Variants in DNAH8 observed in about 807,000 individuals in gnomAD.
DNAH8 encodes the protein axonemal beta dynein heavy chain 8.
In DNAH8, 382 loss-of-function variants were observed where a neutral mutation model predicts 562.1. That is an observed-to-expected ratio of 0.68 (90% CI 0.63 to 0.74). The LOEUF (loss-of-function observed/expected upper bound fraction) is 0.74. Among genes scored for constraint, DNAH8 ranks in the 30% least tolerant of loss-of-function variants. DNAH8 has a pLI of 0.00. For missense variants in DNAH8, 5,203 were observed against 5,620.4 expected, an observed-to-expected ratio of 0.93 and a Z score of 2.37; for synonymous variants, 1,881 against 1,919.4, an observed-to-expected ratio of 0.98 and a Z score of 0.52.
At chr6:38,735,706 A>G (rs1764020645) in intron 5 of DNAH8, among the ~76,000 whole-genome samples, 1 of 152,224 alleles carries the variant, frequency 6.6e-6, no homozygotes, top group Non-Finnish European at 1.5e-5. Context: ...CTTTTATGAA[A>G]TAGTATAAGT....
chr6:38,813,450 A>T (rs1051516489), intron 24 of DNAH8, among the ~76,000 whole-genome samples: 2 of 152,020 alleles, frequency 1.3e-5, no homozygotes, highest in African/African-American at 2.4e-5. Flanking sequence ...AGTTTTCAGT[A>T]ATGACGGTAT....
chr6:38,749,395 G>A (rs950456757), intron 8 of DNAH8, among the ~76,000 whole-genome samples: 2 of 152,048 alleles, frequency 1.3e-5, no homozygotes, highest in Non-Finnish European at 2.9e-5. Context: ...GAAAGGGGAG[G>A]GAGAGCATCA....
chr6:38,818,537 C>CAAAAAAAAAAAAGAA (rs775835573), intron 26 of DNAH8, among the ~76,000 whole-genome samples: 1 of 75,850 alleles, frequency 1.3e-5, no homozygotes, highest in African/African-American at 6.2e-5. Flanking sequence ...AAAGCAAAAG[C>CAAAAAAAAAAAAGAA]AAAAAAAAAA....
chr6:38,856,642 C>T lies in DNAH8; in HGVS notation c.5734-876C>T, dbSNP rs141165547. 2.6e-4 allele frequency among the ~76,000 whole-genome samples: 39 copies of T among 152,292 alleles called. No individual in the cohort carries two copies. In the East Asian group the frequency reaches 6.8e-3, roughly 26 times the overall value. The stretch of plus-strand genomic sequence containing the variant: ...GCCAGGTGCTTTCATTTATCTTTAG[C>T]TGCAGCCCTCAGGATTGGCCACTGC... On this transcript the variant is annotated intron_variant, in intron 41 of 92. Coordinates refer to ENST00000327475, the MANE Select transcript of DNAH8 (RefSeq NM_001206927.2).
chr6:38,918,749 AGATTCTTAGGAGGGCAAG>A (rs922195486), intron 70 of DNAH8, among the ~76,000 whole-genome samples: 10 of 152,186 alleles, frequency 6.6e-5, no homozygotes, highest in Non-Finnish European at 2.9e-5. Context: ...GAACAGAATG[AGATTCTTAGGAGGGCAAG>A]GATTCATGAA....
chr6:38,829,541 T>G (rs891148648), intron 30 of DNAH8, among the ~76,000 whole-genome samples: 3 of 152,236 alleles, frequency 2.0e-5, no homozygotes, highest in Admixed American at 1.3e-4. Context: ...CGACTTCATA[T>G]AAAAGCATGT....
chr6:39,013,937 C>T (rs547809726), intron 91 of DNAH8, among the ~76,000 whole-genome samples: 1 of 152,032 alleles, frequency 6.6e-6, no homozygotes, highest in Non-Finnish European at 1.5e-5. Context: ...ACTTCTAGAT[C>T]TGGATACTGG....
chr6:38,879,109 G>C (rs1422079080), intron 53 of DNAH8, among the ~76,000 whole-genome samples: 1 of 151,772 alleles, frequency 6.6e-6, no homozygotes, highest in Non-Finnish European at 1.5e-5. Context: ...TTCCCACAAA[G>C]AAAAACACCA....
intron 21 of DNAH8, among the ~76,000 whole-genome samples, chr6:38,799,417 A>T (rs1271280856): frequency 6.6e-6 from 1 of 151,824 alleles, no homozygotes; most frequent in African/African-American, 2.4e-5. Context: ...CAGCAGTATC[A>T]TATGCTCTCA....
intron 58 of DNAH8, among the ~76,000 whole-genome samples, chr6:38,891,070 A>G (rs978625313): frequency 3.3e-5 from 5 of 152,154 alleles, no homozygotes; most frequent in Non-Finnish European, 5.9e-5. Context: ...CTTTATTTGT[A>G]TTATCTGTCT....
intron 58 of DNAH8, among the ~76,000 whole-genome samples, chr6:38,892,480 T>G (rs988341851): frequency 6.6e-6 from 1 of 152,182 alleles, no homozygotes; most frequent in African/African-American, 2.4e-5. Flanking sequence ...GGCACCATCC[T>G]TGATTTATGT....
At chr6:38,786,704 A>G (rs965122112) in intron 17 of DNAH8, 61 bp from the exon 18 acceptor site, 3 of 1,538,900 alleles carry the variant, frequency 1.9e-6, no homozygotes, top group Admixed American at 3.9e-5. Flanking sequence ...AGAAATATAA[A>G]CACAGCTGGA....
At chr6:38,788,911 C>T (rs531944591) in intron 18 of DNAH8, among the ~76,000 whole-genome samples, 2 of 152,032 alleles carry the variant, frequency 1.3e-5, no homozygotes, top group Middle Eastern at 6.8e-3. Flanking sequence ...TAGCTCTTAC[C>T]AAAATAGTAT....
chr6:39,023,215 G>A (rs1377732436), intron 91 of DNAH8, among the ~76,000 whole-genome samples: 1 of 152,132 alleles, frequency 6.6e-6, no homozygotes, highest in Non-Finnish European at 1.5e-5. Context: ...TGCCAGCCAG[G>A]GGTGCAGTGG....
At chr6:38,971,805 G>T in intron 83 of DNAH8, 140 bp downstream of exon 83, 2 of 533,130 alleles carry the variant, frequency 3.8e-6, no homozygotes, top group South Asian at 5.1e-5. Context: ...TTAAACCTCA[G>T]TCTAGTTTCC....
At chr6:38,796,528 C>T (rs1349239927) in intron 21 of DNAH8, among the ~76,000 whole-genome samples, 1 of 152,184 alleles carries the variant, frequency 6.6e-6, no homozygotes, top group Admixed American at 6.5e-5. Context: ...AATCCACAGG[C>T]AGACAGCATG....
chr6:38,946,283 T>C (rs777523886), intron 80 of DNAH8, among the ~76,000 whole-genome samples: 21 of 152,208 alleles, frequency 1.4e-4, no homozygotes, highest in Non-Finnish European at 2.5e-4. Context: ...AGACTGCAGG[T>C]TGTCAGAGCC....
At chr6:38,772,908 A>G (rs1445317686) in intron 12 of DNAH8, among the ~76,000 whole-genome samples, 1 of 150,320 alleles carries the variant, frequency 6.7e-6, no homozygotes, top group Non-Finnish European at 1.5e-5. Flanking sequence ...TTCAGCCTTG[A>G]ACTCCTCAGC....
Position 38,722,907 on chromosome 6 carries a change from C to G in DNAH8, c.98C>G (p.Ala33Gly), listed in dbSNP as rs762962212. ...AAPPRSEEEEAPRPPTVEAPA... is the reference protein window; with the variant it reads ...AAPPRSEEEEGPRPPTVEAPA... ...CCTCCCCGTTCAGAAGAGGAAGAGG[C>G]CCCGCGCCCTCCGACAGTGGAGGCC... is the stretch of plus-strand genomic sequence containing the variant. The change falls in exon 2 of 93, where the codon GCC (alanine) becomes GGC (glycine). Residue 33 changes from alanine to glycine, a missense_variant. Coordinates refer to ENST00000327475, the MANE Select transcript of DNAH8 (RefSeq NM_001206927.2). 6.2e-7 allele frequency: 1 copy of G among 1,612,260 alleles called. No individual in the cohort carries two copies. The highest frequency in any genetic ancestry group is 8.5e-7 in the Non-Finnish European group (1 of 1,179,664).
Sources: allele counts gnomAD v4.1 joint callset (sites outside exome capture counted in the v4.1 genomes callset), GRCh38; gene constraint gnomAD v4.1.1; transcripts MANE v1.5; gene names NCBI Gene and HGNC (gene_info 2026-07-23, HGNC 2026-07-21).